ZZZ3: variants seen among roughly 807,000 people sequenced by gnomAD.
ZZZ3 encodes zinc finger ZZ-type containing 3.
A neutral mutation model predicts 95.2 loss-of-function variants in ZZZ3; 22 were observed. The observed-to-expected ratio is 0.23, with a 90% CI of 0.17 to 0.33. ZZZ3 has a LOEUF of 0.33. Among genes scored for constraint, ZZZ3 ranks in the 10% least tolerant of loss-of-function variants. ZZZ3 has a pLI of 1.00. For missense variants in ZZZ3, 885 were observed against 1,066.5 expected (o/e 0.83, Z 2.37); for synonymous variants, 335 against 358.9 (o/e 0.93, Z 0.75).
intron 1 of ZZZ3, among the ~76,000 whole-genome samples, chr1:77,667,957 G>A (rs989094589): frequency 1.3e-5 from 2 of 151,860 alleles, no homozygotes; most frequent in African/African-American, 4.8e-5. Context: ...TAGAGACACA[G>A]GGTTTCGCCA....
chr1:77,572,851 G>C (rs1404275057), intron 12 of ZZZ3, among the ~76,000 whole-genome samples: 1 of 150,822 alleles, frequency 6.6e-6, no homozygotes, highest in African/African-American at 2.4e-5. Flanking sequence ...TCACTATGTT[G>C]CCCAGGCTGG....
intron 12 of ZZZ3, among the ~76,000 whole-genome samples, chr1:77,573,976 T>C (rs1482755682): frequency 3.3e-5 from 5 of 151,580 alleles, no homozygotes; most frequent in Non-Finnish European, 7.4e-5. Flanking sequence ...TCCCTATATA[T>C]GTAAAGTAAA....
intron 9 of ZZZ3, 152 bp from the exon 10 acceptor site, chr1:77,579,780 A>T: frequency 2.2e-6 from 1 of 462,358 alleles, no homozygotes. Context: ...GGTAGGAAAA[A>T]TTTCTAGTTA....
chr1:77,577,249 G>A (rs547113972), intron 11 of ZZZ3, among the ~76,000 whole-genome samples: 10 of 152,058 alleles, frequency 6.6e-5, no homozygotes, highest in Admixed American at 6.5e-5. Flanking sequence ...ACACCTAAGG[G>A]AAAAAAACAC....
At chr1:77,623,550 G>C (rs1667071766) in intron 5 of ZZZ3, among the ~76,000 whole-genome samples, 1 of 152,034 alleles carries the variant, frequency 6.6e-6, no homozygotes, top group African/African-American at 2.4e-5. Context: ...GAGATCTAGA[G>C]AACAGGCTAC....
At chr1:77,663,446 C>G (rs1670992054) in intron 1 of ZZZ3, among the ~76,000 whole-genome samples, 2 of 152,176 alleles carry the variant, frequency 1.3e-5, no homozygotes, top group South Asian at 4.1e-4. Context: ...TTCACTCATT[C>G]CTGTCAAGTC....
rs1255746791 is a variant in ZZZ3, at chr1:77,562,465, GAA to G, written c.*3173_*3174del. ...TAGCACACAACACATATTTATGATT[GAA>G]AAAGACATTTCACAAAACAATATTT... On this transcript the variant is annotated 3_prime_UTR_variant, in exon 15 of 15. Coordinates refer to ENST00000370801, the MANE Select transcript of ZZZ3 (RefSeq NM_015534.6). The G allele has an allele frequency of 2.6e-5, 4 of 152,078 alleles. No homozygotes were observed. The South Asian group carries it at 8.3e-4, about 31-fold the overall frequency. 9.4% of individuals were successfully genotyped at this position (152,078 alleles called of 1,614,324 possible).
intron 5 of ZZZ3, among the ~76,000 whole-genome samples, chr1:77,585,456 CAT>C (rs111577487): frequency 3.3e-5 from 5 of 152,168 alleles, no homozygotes; most frequent in African/African-American, 1.2e-4. Context: ...TATCAATACA[CAT>C]AGAGAAATAC....
At chr1:77,636,708 A>G (rs918022137) in intron 4 of ZZZ3, among the ~76,000 whole-genome samples, 1 of 101,816 alleles carries the variant, frequency 9.8e-6, no homozygotes, top group African/African-American at 3.4e-5. Flanking sequence ...CTGTCTTGAA[A>G]AAAAAAAAAA....
At chr1:77,604,923 A>G (rs1176797707) in intron 5 of ZZZ3, among the ~76,000 whole-genome samples, 1 of 152,138 alleles carries the variant, frequency 6.6e-6, no homozygotes, top group African/African-American at 2.4e-5. Context: ...TGTAGGAGAA[A>G]ATGTTTCACT....
chr1:77,601,435 G>C (rs1664718332), intron 5 of ZZZ3, among the ~76,000 whole-genome samples: 1 of 151,992 alleles, frequency 6.6e-6, no homozygotes, highest in Non-Finnish European at 1.5e-5. Context: ...AATTGCGATG[G>C]GAAGAAAGTA....
At chr1:77,667,257 C>G (rs1570654805) in intron 1 of ZZZ3, among the ~76,000 whole-genome samples, 1 of 152,228 alleles carries the variant, frequency 6.6e-6, no homozygotes, top group African/African-American at 2.4e-5. Context: ...TAAACTCAAA[C>G]TGACACTTCA....
chr1:77,672,658 C>A (rs1187352201), intron 1 of ZZZ3, among the ~76,000 whole-genome samples: 1 of 152,226 alleles, frequency 6.6e-6, no homozygotes, highest in Admixed American at 6.5e-5. Flanking sequence ...CTGAGAACCA[C>A]TGCCATATAG....
chr1:77,604,617 G>A (rs1026878867), intron 5 of ZZZ3, among the ~76,000 whole-genome samples: 3 of 152,124 alleles, frequency 2.0e-5, no homozygotes, highest in Admixed American at 6.5e-5. Flanking sequence ...CCCTTAGATC[G>A]ATAACCTTGT....
chr1:77,662,587 G>A (rs545093424), intron 1 of ZZZ3, among the ~76,000 whole-genome samples: 1 of 152,170 alleles, frequency 6.6e-6, no homozygotes, highest in Non-Finnish European at 1.5e-5. Flanking sequence ...AATTCAAACT[G>A]AGGGACACTA....
chr1:77,604,562 C>T (rs1208534731), intron 5 of ZZZ3, among the ~76,000 whole-genome samples: 2 of 152,160 alleles, frequency 1.3e-5, no homozygotes, highest in South Asian at 2.1e-4. Context: ...TAGTAAACTA[C>T]GTGAGAACAG....
intron 5 of ZZZ3, among the ~76,000 whole-genome samples, chr1:77,586,826 A>G (rs1663127492): frequency 4.6e-5 from 7 of 152,218 alleles, no homozygotes; most frequent in Admixed American, 4.6e-4. Context: ...ATTACCATAT[A>G]TATCCATGAG....
In ZZZ3 at chr1:77,578,821, T is replaced by G. The variant is rs1662222320; in HGVS notation, c.2131A>C (p.Ile711Leu). The part of the protein sequence containing the change: ...KYFIKLTKAG[I>L]PVPGRTPNLY... Reference sequence around the variant, plus strand: ...TTTGGTGTTCTGCCTGGTACTGGAATGCCAGCTTTAGTTAGCTTTATGAAA... The same window carrying G: ...TTTGGTGTTCTGCCTGGTACTGGAAGGCCAGCTTTAGTTAGCTTTATGAAA... Residue 711 changes from isoleucine (I) to leucine (L), a missense_variant, in exon 11 of 15, where the codon ATT becomes CTT. Ile to Leu is a conservative substitution (Grantham distance 5, BLOSUM62 2). Coordinates refer to ENST00000370801, the MANE Select transcript of ZZZ3 (RefSeq NM_015534.6). 1.3e-6 allele frequency: 2 copies of G among 1,578,414 alleles called. No individual in the cohort carries two copies. The highest frequency in any genetic ancestry group is 1.7e-6 in the Non-Finnish European group (2 of 1,165,340).
At chr1:77,614,011 C>T (rs1171207533) in intron 5 of ZZZ3, among the ~76,000 whole-genome samples, 1 of 151,692 alleles carries the variant, frequency 6.6e-6, no homozygotes, top group African/African-American at 2.4e-5. Flanking sequence ...GCCCACAAAA[C>T]ATAGCTATAA....
Sources: gnomAD v4.1 joint callset for allele counts (sites outside exome capture counted in the v4.1 genomes callset) on GRCh38, gnomAD v4.1.1 for gene constraint, MANE v1.5 for transcripts, NCBI Gene and HGNC (gene_info 2026-07-23, HGNC 2026-07-21) for gene names.